Variants in USB1 observed in about 807,000 individuals in gnomAD.
The protein encoded by USB1 is U6 snRNA phosphodiesterase 1.
In USB1, 21 loss-of-function variants were observed where a neutral mutation model predicts 29.9. The observed-to-expected ratio is 0.70, with a 90% confidence interval of 0.50 to 1.01. USB1 has a LOEUF of 1.01. Among genes scored for constraint, USB1 ranks in the 50% least tolerant of loss-of-function variants. USB1 has a pLI of 0.00. For missense variants in USB1, 330 were observed against 347.1 expected, an observed-to-expected ratio of 0.95 and a Z score of 0.39; for synonymous variants, 143 against 134.9, an observed-to-expected ratio of 1.06 and a Z score of -0.42.
Position 58,013,253 on chromosome 16 carries a change from G to A in USB1, c.450-1020G>A. 1 of 985,450 alleles carries A rather than the reference G, an allele frequency of 1.0e-6. No homozygotes were observed. 61.0% of individuals were successfully genotyped at this position (985,450 alleles called of 1,614,324 possible). A position where few individuals can be genotyped will look rare whatever the true frequency, so the allele number is the denominator to read the frequency against. On this transcript the variant is annotated intron_variant, in intron 3 of 6. Transcript: ENST00000219281. This position sits in a 1 kb window ranked among gnomAD's most constrained non-coding sequence, Gnocchi z 4.3. Reference sequence around the variant, plus strand: ...AGTTTTGGTTGGGCACAGACATCCAGTGTCCACTCCAGGATGTTTGGGAGA... The same window carrying A: ...AGTTTTGGTTGGGCACAGACATCCAATGTCCACTCCAGGATGTTTGGGAGA...
intron 3 of USB1, chr16:58,012,680 C>G (rs1226254567): frequency 2.1e-5 from 25 of 1,172,960 alleles, no homozygotes; most frequent in Non-Finnish European, 2.4e-5. Context: ...CAGGCCCTTC[C>G]CCCTTCCACA....
chr16:58,003,629 A>G (rs1411186484), intron 2 of USB1, among the ~76,000 whole-genome samples: 1 of 152,182 alleles, frequency 6.6e-6, no homozygotes, highest in African/African-American at 2.4e-5. Flanking sequence ...GATCCAGATC[A>G]TCTTTTCAAT....
At chr16:58,016,445 G>A (rs1323305461) in intron 4 of USB1, 1 of 152,652 alleles carries the variant, frequency 6.6e-6, no homozygotes, top group African/African-American at 2.4e-5. Flanking sequence ...GGGACCAGCT[G>A]GAGATAGAAA....
Position 58,001,427 on chromosome 16 carries a change from C to T in USB1, c.-57C>T, listed in dbSNP as rs539851929. The T allele has an allele frequency of 6.8e-5, 106 of 1,552,330 alleles. No homozygotes were observed. In the African/African-American group the frequency reaches 1.4e-3, roughly 20 times the overall value. On this transcript the variant is annotated 5_prime_UTR_variant, in exon 1 of 7. Coordinates refer to ENST00000219281, the MANE Select transcript of USB1 (RefSeq NM_024598.4). ...AGGGCGCTTCCGGCACAGCGGAACTCCGGGTGCCGGTTGAGGTTGCTGGTG... is the reference window on the plus strand; with the variant it reads ...AGGGCGCTTCCGGCACAGCGGAACTTCGGGTGCCGGTTGAGGTTGCTGGTG...
chr16:58,016,247 GGGGAAGACGAACATTGATTCCT>G (rs1385907970), intron 4 of USB1: 1 of 152,204 alleles, frequency 6.6e-6, no homozygotes, highest in Admixed American at 6.5e-5. Context: ...TGTGAAGCAA[GGGGAAGACGAACATTGATTCCT>G]GGGTTTGAGG....
chr16:58,005,916 G>A (rs1215422784), intron 2 of USB1, among the ~76,000 whole-genome samples: 18 of 152,092 alleles, frequency 1.2e-4, no homozygotes, highest in Non-Finnish European at 5.9e-5. Context: ...GTTCGTTGCT[G>A]GTGTATAGGA....
chr16:58,012,650 CTTTGGGAG>C, intron 3 of USB1: 1 of 1,267,346 alleles, frequency 7.9e-7, no homozygotes, highest in African/African-American at 1.5e-5. Context: ...TGTGTGCTTT[CTTTGGGAG>C]TAAAGAGTTA....
chr16:58,013,172 T>C lies in USB1; in HGVS notation c.450-1101T>C, dbSNP rs987546513. ...TCTGTTTGGCCAGGCCTGGGCAGCC[T>C]GCCTCTGGAGTAGGGGTGGAGAGCC... On this transcript the variant is annotated intron_variant, in intron 3 of 6. Transcript: ENST00000219281. This position sits in a 1 kb window ranked among gnomAD's most constrained non-coding sequence, Gnocchi z 4.3. 90 of 985,404 alleles carry C rather than the reference T, an allele frequency of 9.1e-5. No individual in the cohort carries two copies. The highest frequency in any genetic ancestry group is 1.0e-4 in the Non-Finnish European group (86 of 830,020). The allele number at this position is 985,404 out of a possible 1,614,324, so 61.0% of individuals were successfully genotyped here.
In USB1 at chr16:58,020,767, G is replaced by C. The variant is rs12930821; in HGVS notation, c.*522G>C. 132,655 of 179,658 alleles carry C rather than the reference G, an allele frequency of 0.74. 50,268 individuals are homozygous for C. The highest frequency in any genetic ancestry group is 0.92 in the African/African-American group (38,577 of 41,946). The allele number at this position is 179,658 out of a possible 1,614,324, so 11.1% of individuals were successfully genotyped here. Reference sequence around the variant, plus strand: ...TCTCTTCCTCTCCTCTCTCTCTCTTGCTTTCTTCTCTCTCTCCTGTCTCGG... The same window carrying C: ...TCTCTTCCTCTCCTCTCTCTCTCTTCCTTTCTTCTCTCTCTCCTGTCTCGG... On this transcript the variant is annotated 3_prime_UTR_variant, in exon 7 of 7. Transcript: ENST00000219281.
At chr16:58,017,547 C>A in intron 5 of USB1, 108 bp downstream of exon 5, 2 of 991,344 alleles carry the variant, frequency 2.0e-6, no homozygotes, top group Non-Finnish European at 3.1e-6. Flanking sequence ...CAGAACCTCC[C>A]GTGTCGGTGC....
intron 4 of USB1, chr16:58,015,080 A>AAAATAAATAAAT (rs139957888): frequency 5.4e-5 from 8 of 148,522 alleles, no homozygotes; most frequent in African/African-American, 1.7e-4. Context: ...CTCTGTCTCA[A>AAAATAAATAAAT]AAATAAATAA....
At chr16:58,001,603 C>A (rs1359751159) in intron 1 of USB1, 22 bp downstream of exon 1, 1 of 1,587,322 alleles carries the variant, frequency 6.3e-7, no homozygotes, top group East Asian at 2.3e-5. Context: ...GGAAGTCTCT[C>A]CGGAGGGCGC....
chr16:58,019,870 G>T (rs1437579942), intron 6 of USB1, among the ~76,000 whole-genome samples: 3 of 152,096 alleles, frequency 2.0e-5, no homozygotes, highest in Non-Finnish European at 2.9e-5. Flanking sequence ...TCTAGTTTGG[G>T]CTCCGGCAGA....
Position 58,002,559 on chromosome 16 carries a change from C to T in USB1, c.179C>T (p.Pro60Leu). The T allele has an allele frequency of 6.2e-7, 1 of 1,614,118 alleles. No individual in the cohort carries two copies. Among genetic ancestry groups the T allele is most frequent in the African/African-American group, 1.3e-5 (1 of 75,054 alleles). Residue 60 changes from proline (P) to leucine (L), a missense_variant, in exon 2 of 7, where the codon CCT becomes CTT. By Grantham distance (98) the Pro-to-Leu change is moderately conservative. Coordinates refer to ENST00000219281, the MANE Select transcript of USB1 (RefSeq NM_024598.4). ...ATGTTCCCGGGCACCGAGGAGGGGC[C>T]TGAAGATGACAGCACAAAACACGGG... is the stretch of plus-strand genomic sequence containing the variant. ...LNMFPGTEEG[P>L]EDDSTKHGGR...
chr16:58,004,880 G>A (rs1320707101), intron 2 of USB1, among the ~76,000 whole-genome samples: 5 of 152,186 alleles, frequency 3.3e-5, no homozygotes, highest in African/African-American at 9.7e-5. Context: ...CTACCAAGAC[G>A]CGGAGACCGG....
At chr16:58,005,982 C>T (rs1190421350) in intron 2 of USB1, among the ~76,000 whole-genome samples, 2 of 152,090 alleles carry the variant, frequency 1.3e-5, no homozygotes, top group African/African-American at 4.8e-5. Context: ...TGCAACCTTG[C>T]TATATCATTT....
Position 58,020,641 on chromosome 16 carries a change from C to G in USB1, c.*396C>G. Reference sequence around the variant, plus strand: ...CCCCTCCTCTCTCTTCCTCTCCTCTCTCTCTTCCTCTCCTCTCTCTTCCCT... The same window carrying G: ...CCCCTCCTCTCTCTTCCTCTCCTCTGTCTCTTCCTCTCCTCTCTCTTCCCT... On this transcript the variant is annotated 3_prime_UTR_variant, in exon 7 of 7. Coordinates refer to ENST00000219281, the MANE Select transcript of USB1 (RefSeq NM_024598.4). The G allele has an allele frequency of 3.2e-6, 1 of 308,742 alleles. No homozygotes were observed. Among genetic ancestry groups the G allele is most frequent in the Non-Finnish European group, 6.2e-6 (1 of 160,350 alleles). 19.1% of individuals were successfully genotyped at this position (308,742 alleles called of 1,614,324 possible). A position where few individuals can be genotyped will look rare whatever the true frequency, so the allele number is the denominator to read the frequency against.
At chr16:58,010,163 C>G in intron 3 of USB1, 51 bp downstream of exon 3, 1 of 1,608,492 alleles carries the variant, frequency 6.2e-7, no homozygotes, top group Non-Finnish European at 8.5e-7. Flanking sequence ...CATGGCTTCT[C>G]CTCCTCTCCT....
At chr16:58,005,371 AGACCACG>A (rs1250434262) in intron 2 of USB1, among the ~76,000 whole-genome samples, 1 of 152,126 alleles carries the variant, frequency 6.6e-6, no homozygotes, top group African/African-American at 2.4e-5. Context: ...CGCTACCGTT[AGACCACG>A]GTCCACTTGG....
Sources: gnomAD v4.1 joint callset for allele counts (sites outside exome capture counted in the v4.1 genomes callset) on GRCh38, gnomAD v4.1.1 for gene constraint, Gnocchi (gnomAD v3.1) non-coding constraint, MANE v1.5 for transcripts, NCBI Gene and HGNC (gene_info 2026-07-23, HGNC 2026-07-21) for gene names.